ANK3: variants seen among roughly 807,000 people sequenced by gnomAD.
ANK3 encodes ankyrin-3.
Under a neutral mutation model 370.9 loss-of-function variants are expected in ANK3, and 57 were observed. That is an observed-to-expected ratio of 0.15 (90% confidence interval 0.12 to 0.19). The LOEUF (loss-of-function observed/expected upper bound fraction) is 0.19, where lower values mean the gene tolerates loss of function less well. Ranked by LOEUF, ANK3 falls within the 10% of genes least tolerant of loss-of-function variation. The pLI, the probability that ANK3 is intolerant of heterozygous loss-of-function variation, is 1.00. For missense variants in ANK3, 4,439 were observed against 5,302.1 expected (o/e 0.84, Z 5.06); for synonymous variants, 1,929 against 1,946.3 (o/e 0.99, Z 0.23).
At chr10:60,582,325 A>T (rs991314060) in intron 2 of ANK3, among the ~76,000 whole-genome samples, 1 of 152,130 alleles carries the variant, frequency 6.6e-6, no homozygotes, top group Non-Finnish European at 1.5e-5. Context: ...AGTGACCTTG[A>T]GGCAGTACAT....
chr10:60,430,220 C>G (rs1294994862), intron 2 of ANK3, among the ~76,000 whole-genome samples: 1 of 152,166 alleles, frequency 6.6e-6, no homozygotes, highest in East Asian at 1.9e-4. Flanking sequence ...TGCCTGAAGG[C>G]TGAATGCCAA....
chr10:60,490,824 G>A (rs2075478546), intron 2 of ANK3, among the ~76,000 whole-genome samples: 1 of 152,174 alleles, frequency 6.6e-6, no homozygotes, highest in African/African-American at 2.4e-5. Context: ...GATTCTAAGT[G>A]TTCAGGTTAG....
chr10:60,347,345 A>G (rs1170579415), intron 1 of ANK3, among the ~76,000 whole-genome samples: 1 of 151,848 alleles, frequency 6.6e-6, no homozygotes, highest in Non-Finnish European at 1.5e-5. Context: ...CATCACCATG[A>G]AACTACGTAG....
At chr10:60,611,970 A>G (rs960857464) in intron 2 of ANK3, among the ~76,000 whole-genome samples, 19 of 152,052 alleles carry the variant, frequency 1.2e-4, no homozygotes, top group Admixed American at 9.8e-4. Flanking sequence ...TGACACTCTT[A>G]TCTCATTCAA....
intron 1 of ANK3, among the ~76,000 whole-genome samples, chr10:60,369,679 A>G (rs150649747): frequency 2.6e-5 from 4 of 151,566 alleles, no homozygotes; most frequent in East Asian, 2.0e-4. Context: ...CCTGTTTAAC[A>G]TAACTATTTG....
chr10:60,207,471 A>G (rs953676518), intron 10 of ANK3, among the ~76,000 whole-genome samples: 1 of 152,242 alleles, frequency 6.6e-6, no homozygotes, highest in Non-Finnish European at 1.5e-5. Flanking sequence ...GACAACAAGT[A>G]CCATCTTGCT....
chr10:60,590,561 A>G (rs185512344), intron 2 of ANK3, among the ~76,000 whole-genome samples: 16 of 152,332 alleles, frequency 1.1e-4, no homozygotes, highest in Non-Finnish European at 1.9e-4. Flanking sequence ...TCAACTTACA[A>G]GTGAAGAACA....
At chr10:60,291,217 A>T (rs1163541270) in intron 1 of ANK3, among the ~76,000 whole-genome samples, 1 of 152,096 alleles carries the variant, frequency 6.6e-6, no homozygotes, top group Non-Finnish European at 1.5e-5. Context: ...TTTGTCTCAA[A>T]TTTTCTGATA....
chr10:60,039,102 G>C (rs1485908692), intron 43 of ANK3, among the ~76,000 whole-genome samples: 1 of 152,218 alleles, frequency 6.6e-6, no homozygotes, highest in Non-Finnish European at 1.5e-5. Context: ...GAAAGACAGG[G>C]ACCATGAAGC....
At chr10:60,530,389 C>T (rs985072108) in intron 2 of ANK3, among the ~76,000 whole-genome samples, 28 of 151,152 alleles carry the variant, frequency 1.9e-4, no homozygotes, top group East Asian at 1.6e-3. Context: ...TTATAACAGG[C>T]GAGGCACTTC....
At chr10:60,084,867 C>A in intron 31 of ANK3, 37 bp from the exon 32 acceptor site, 1 of 1,446,284 alleles carries the variant, frequency 6.9e-7, no homozygotes. Context: ...GAAAATGTGG[C>A]TATTTAAAAG....
At chr10:60,194,552 C>T (rs2096553138) in intron 16 of ANK3, among the ~76,000 whole-genome samples, 2 of 152,168 alleles carry the variant, frequency 1.3e-5, no homozygotes, top group African/African-American at 4.8e-5. Context: ...TTCAAGATTC[C>T]TCCATGTATT....
At chr10:60,096,996 C>T (rs1373541953) in intron 28 of ANK3, among the ~76,000 whole-genome samples, 1 of 152,108 alleles carries the variant, frequency 6.6e-6, no homozygotes, top group East Asian at 1.9e-4. Flanking sequence ...TTACTAAATT[C>T]TCACATACAA....
rs1241438321 is a variant in ANK3 at position 60,068,797 on chromosome 10, C to T, written c.12084G>A (p.Glu4028=). ...ACGTGTTTCTTGAGGTACTTTCTTC[C>T]TCATCGGACAACTCGGACTGCATCT... ...EKKMQSELSD[E]EESTSRNTSL... Residue 4028 remains glutamate, a synonymous_variant, in exon 37 of 44, where the codon GAG becomes GAA. Transcript: ENST00000280772. 6.2e-7 allele frequency: 1 copy of T among 1,614,226 alleles called. No individual in the cohort carries two copies. Among genetic ancestry groups the T allele is most frequent in the South Asian group, 1.1e-5 (1 of 91,084 alleles).
intron 2 of ANK3, among the ~76,000 whole-genome samples, chr10:60,420,735 G>C (rs2063761721): frequency 6.6e-6 from 1 of 152,000 alleles, no homozygotes; most frequent in Admixed American, 6.6e-5. Context: ...CTATCTTCTG[G>C]CTTGGGAGGA....
At chr10:60,452,549 A>G (rs957201637) in intron 2 of ANK3, among the ~76,000 whole-genome samples, 7 of 152,142 alleles carry the variant, frequency 4.6e-5, no homozygotes, top group Non-Finnish European at 8.8e-5. Flanking sequence ...AAGGAGGGGG[A>G]ACCCTCATAA....
chr10:60,400,878 C>T (rs1252185151), intron 2 of ANK3, among the ~76,000 whole-genome samples: 2 of 152,052 alleles, frequency 1.3e-5, no homozygotes, highest in Non-Finnish European at 2.9e-5. Flanking sequence ...CCCCACTTCC[C>T]AACAGGCCCC....
At chr10:60,465,602 G>A (rs866193952) in intron 2 of ANK3, among the ~76,000 whole-genome samples, 1 of 152,074 alleles carries the variant, frequency 6.6e-6, no homozygotes, top group African/African-American at 2.4e-5. Flanking sequence ...GTGACTAGAG[G>A]GATATTGAAA....
intron 1 of ANK3, among the ~76,000 whole-genome samples, chr10:60,679,290 GC>G (rs932238576): frequency 3.3e-5 from 5 of 152,194 alleles, no homozygotes; most frequent in African/African-American, 4.8e-5. Flanking sequence ...GCAGGAGAGG[GC>G]CCCCCTCCCA....
Sources: gnomAD v4.1 joint callset for allele counts (sites outside exome capture counted in the v4.1 genomes callset) on GRCh38, gnomAD v4.1.1 for gene constraint, MANE v1.5 for transcripts, NCBI Gene and HGNC (gene_info 2026-07-23, HGNC 2026-07-21) for gene names.